Variants in LGSN observed in about 807,000 individuals in gnomAD.
LGSN encodes lengsin.
Under a neutral mutation model 19.5 loss-of-function variants are expected in LGSN, and 21 were observed. The observed-to-expected ratio is 1.07, with a 90% CI of 0.76 to 1.55. LGSN has a LOEUF of 1.55. Among genes scored for constraint, LGSN ranks in the 40% most tolerant of loss-of-function variants. LGSN has a pLI of 0.00. For missense variants in LGSN, 673 were observed against 608.5 expected, an observed-to-expected ratio of 1.11 and a Z score of -1.12; for synonymous variants, 257 against 215.6, an observed-to-expected ratio of 1.19 and a Z score of -1.68.
the LGSN span, among the ~76,000 whole-genome samples, chr6:63,531,434 A>G: frequency 6.6e-6 from 1 of 152,148 alleles, no homozygotes; most frequent in Non-Finnish European, 1.5e-5. Flanking sequence ...TTTAATGCAA[A>G]ATGCCTACAT....
At chr6:63,517,550 A>G in the LGSN span, among the ~76,000 whole-genome samples, 1 of 152,194 alleles carries the variant, frequency 6.6e-6, no homozygotes, top group African/African-American at 2.4e-5. Context: ...CAATAGCACT[A>G]TGAACAAAAG....
the LGSN span, among the ~76,000 whole-genome samples, chr6:63,554,027 A>G: frequency 1.3e-5 from 2 of 152,194 alleles, no homozygotes; most frequent in African/African-American, 4.8e-5. Flanking sequence ...ATTTCCATAG[A>G]CATTGACTAT....
At chr6:63,385,433 TC>T in the LGSN span, among the ~76,000 whole-genome samples, 1 of 152,216 alleles carries the variant, frequency 6.6e-6, no homozygotes, top group Non-Finnish European at 1.5e-5. Flanking sequence ...TTCCCTGATT[TC>T]TTTAAGCTGT....
At chr6:63,507,757 G>C in the LGSN span, among the ~76,000 whole-genome samples, 1 of 152,072 alleles carries the variant, frequency 6.6e-6, no homozygotes, top group Non-Finnish European at 1.5e-5. Context: ...GCCTGTTTTT[G>C]TTTCTTACAG....
At chr6:63,487,735 C>T in the LGSN span, among the ~76,000 whole-genome samples, 1 of 152,158 alleles carries the variant, frequency 6.6e-6, no homozygotes, top group African/African-American at 2.4e-5. Context: ...AATCCCAACA[C>T]TTTGGGAGGC....
chr6:63,436,395 C>A, the LGSN span, among the ~76,000 whole-genome samples: 1 of 152,318 alleles, frequency 6.6e-6, no homozygotes, highest in East Asian at 1.9e-4. Context: ...GCCACTGCGC[C>A]TGGCCAAAAT....
At chr6:63,287,148 G>A (rs1259317443) in intron 2 of LGSN, among the ~76,000 whole-genome samples, 1 of 151,464 alleles carries the variant, frequency 6.6e-6, no homozygotes, top group Admixed American at 6.6e-5. Flanking sequence ...ATGAAGCATG[G>A]GAAAAACAAA....
chr6:63,413,237 T>C, the LGSN span, among the ~76,000 whole-genome samples: 4 of 152,240 alleles, frequency 2.6e-5, no homozygotes, highest in Admixed American at 2.6e-4. Context: ...GACATGTAAT[T>C]TTAGAGACAC....
chr6:63,560,455 G>C, the LGSN span, among the ~76,000 whole-genome samples: 18 of 150,732 alleles, frequency 1.2e-4, no homozygotes, highest in African/African-American at 4.4e-4. Context: ...GGGCTGGAAG[G>C]CAGTGCACAT....
chr6:63,386,877 G>A, the LGSN span, among the ~76,000 whole-genome samples: 1 of 152,110 alleles, frequency 6.6e-6, no homozygotes, highest in Non-Finnish European at 1.5e-5. Context: ...GGCTGGTATG[G>A]ATCACCTGAG....
chr6:63,303,182 CA>C (rs573091559), intron 1 of LGSN, among the ~76,000 whole-genome samples: 5 of 151,612 alleles, frequency 3.3e-5, no homozygotes, highest in African/African-American at 7.3e-5. Context: ...CCTAGGAAGA[CA>C]AAAAAAACTT....
chr6:63,435,819 A>G, the LGSN span, among the ~76,000 whole-genome samples: 6 of 152,068 alleles, frequency 3.9e-5, no homozygotes, highest in Non-Finnish European at 8.8e-5. Context: ...ATAGCAAATA[A>G]AAATGGTAAA....
chr6:63,334,684 G>A, the LGSN span, among the ~76,000 whole-genome samples: 1 of 152,124 alleles, frequency 6.6e-6, no homozygotes. Context: ...GAAGCTGGAG[G>A]CATCACACTA....
the LGSN span, chr6:63,441,394 G>T: frequency 2.2e-6 from 1 of 464,896 alleles, no homozygotes; most frequent in South Asian, 1.9e-5. Flanking sequence ...CTCAGCTGAA[G>T]AACCTGAAGT....
intron 1 of LGSN, among the ~76,000 whole-genome samples, chr6:63,311,229 T>C (rs1309903623): frequency 6.6e-6 from 1 of 152,228 alleles, no homozygotes; most frequent in Non-Finnish European, 1.5e-5. Flanking sequence ...TCTTCTCTTA[T>C]CTCCAATTGA....
At chr6:63,359,979 T>C in the LGSN span, among the ~76,000 whole-genome samples, 2 of 152,216 alleles carry the variant, frequency 1.3e-5, no homozygotes, top group African/African-American at 4.8e-5. Context: ...TTAAGAATGT[T>C]GAATATTGGC....
intron 1 of LGSN, among the ~76,000 whole-genome samples, chr6:63,308,627 CT>C (rs954621244): frequency 4.8e-5 from 7 of 146,148 alleles, no homozygotes; most frequent in African/African-American, 1.8e-4. Context: ...AAAAAAAAAA[CT>C]TTTTTTGACC....
the LGSN span, among the ~76,000 whole-genome samples, chr6:63,510,676 T>A: frequency 7.0e-6 from 1 of 142,080 alleles, no homozygotes; most frequent in Non-Finnish European, 1.5e-5. Flanking sequence ...TTTTTTTTTT[T>A]TTTTTTTTTT....
At chr6:63,488,459 G>A in the LGSN span, among the ~76,000 whole-genome samples, 1 of 152,120 alleles carries the variant, frequency 6.6e-6, no homozygotes, top group Admixed American at 6.5e-5. Context: ...TGATGAGCAG[G>A]AAGCCATTGT....
Sources: allele counts gnomAD v4.1 joint callset (sites outside exome capture counted in the v4.1 genomes callset), GRCh38; gene constraint gnomAD v4.1.1; transcripts MANE v1.5; gene names NCBI Gene and HGNC (gene_info 2026-07-23, HGNC 2026-07-21).